Variants in PRKCB observed in about 807,000 individuals in gnomAD.
PRKCB encodes protein kinase C beta type.
In PRKCB, 13 loss-of-function variants were observed where a neutral mutation model predicts 81.5. The ratio of observed to expected loss-of-function variants is 0.16; its 90% CI spans 0.10 to 0.25. The LOEUF is 0.25. PRKCB is among the 10% of genes least tolerant of loss of function. PRKCB has a pLI of 1.00. For synonymous variants in PRKCB, 335 were observed against 321.4 expected, an observed-to-expected ratio of 1.04 and a Z score of -0.45; for missense variants, 509 against 875.7, an observed-to-expected ratio of 0.58 and a Z score of 5.29.
intron 3 of PRKCB, among the ~76,000 whole-genome samples, chr16:24,018,326 C>T (rs1375438186): frequency 6.6e-6 from 1 of 152,182 alleles, no homozygotes; most frequent in Non-Finnish European, 1.5e-5. Context: ...GCTGGGAATA[C>T]AGGCGTGAGC....
chr16:24,156,348 G>A (rs1302473684), intron 10 of PRKCB, among the ~76,000 whole-genome samples: 1 of 151,840 alleles, frequency 6.6e-6, no homozygotes, highest in Non-Finnish European at 1.5e-5. Flanking sequence ...GATCATGGCT[G>A]ACTGCAGCCT....
At chr16:24,165,981 G>A (rs1276112501) in intron 10 of PRKCB, among the ~76,000 whole-genome samples, 1 of 150,090 alleles carries the variant, frequency 6.7e-6, no homozygotes, top group African/African-American at 2.5e-5. Flanking sequence ...CCACATCCTG[G>A]GATCAAGCCA....
intron 10 of PRKCB, among the ~76,000 whole-genome samples, chr16:24,171,584 C>T (rs980362823): frequency 2.0e-5 from 3 of 152,152 alleles, no homozygotes; most frequent in African/African-American, 7.2e-5. Flanking sequence ...CTGGCTACTA[C>T]AGCTATCTAT....
At chr16:24,143,171 C>T (rs1966928618) in intron 9 of PRKCB, among the ~76,000 whole-genome samples, 1 of 152,094 alleles carries the variant, frequency 6.6e-6, no homozygotes, top group Non-Finnish European at 1.5e-5. Flanking sequence ...CTCACTCTGT[C>T]ATCCAGTCTG....
At chr16:24,077,070 C>T (rs1392149057) in intron 5 of PRKCB, among the ~76,000 whole-genome samples, 1 of 152,138 alleles carries the variant, frequency 6.6e-6, no homozygotes, top group East Asian at 1.9e-4. Flanking sequence ...AAACTTAGCA[C>T]CTGGGCATAT....
chr16:24,061,319 G>A lies in PRKCB; in HGVS notation c.529+25772G>A, dbSNP rs1245802398. ...CAAGTGATCTGCCCACTTTGGCCCC[G>A]CAAAGTGCTGGGATTACAGGCATGA... On this transcript the variant is annotated intron_variant, in intron 5 of 16. Transcript: ENST00000643927. Among the ~76,000 whole-genome samples, 8 of 152,188 alleles carry A rather than the reference G, an allele frequency of 5.3e-5. No individual in the cohort carries two copies. In the East Asian group the frequency reaches 1.2e-3, roughly 22 times the overall value.
chr16:24,181,771 C>T, intron 13 of PRKCB, among the ~76,000 whole-genome samples: 1 of 24,570 alleles, frequency 4.1e-5, no homozygotes, highest in African/African-American at 1.9e-4. Context: ...GACCCTGTCT[C>T]AAAAAAAAAA....
intron 9 of PRKCB, among the ~76,000 whole-genome samples, chr16:24,141,969 A>G (rs1157710883): frequency 1.3e-5 from 2 of 152,208 alleles, no homozygotes; most frequent in Non-Finnish European, 2.9e-5. Flanking sequence ...AGGAGTTAGA[A>G]CATCCTTCTT....
At chr16:23,912,358 A>G in intron 2 of PRKCB, among the ~76,000 whole-genome samples, 1 of 151,978 alleles carries the variant, frequency 6.6e-6, no homozygotes, top group Non-Finnish European at 1.5e-5. Flanking sequence ...AATGGTGAAC[A>G]GCTGCTGATG....
intron 2 of PRKCB, chr16:23,962,872 A>G (rs1274296600): frequency 6.6e-6 from 1 of 152,056 alleles, no homozygotes; most frequent in Non-Finnish European, 1.5e-5. Flanking sequence ...GTGGTATCCA[A>G]TATGTAGTCT....
intron 2 of PRKCB, among the ~76,000 whole-genome samples, chr16:23,968,542 A>G (rs76655127): frequency 0.017 from 2,633 of 152,286 alleles, 24 homozygotes; most frequent in Non-Finnish European, 0.024. Context: ...AAGAGGGGGA[A>G]GAAACACCCC....
chr16:24,017,847 A>G (rs1191912972), intron 3 of PRKCB, among the ~76,000 whole-genome samples: 1 of 150,312 alleles, frequency 6.7e-6, no homozygotes, highest in Non-Finnish European at 1.5e-5. Context: ...CTCCCACTTC[A>G]TCCCCACAAG....
chr16:23,926,919 G>A (rs939161415), intron 2 of PRKCB, among the ~76,000 whole-genome samples: 1 of 152,046 alleles, frequency 6.6e-6, no homozygotes, highest in Admixed American at 6.6e-5. Context: ...CAAAAGCTTC[G>A]ATGTATACAT....
chr16:24,077,210 G>A (rs1288064730), intron 5 of PRKCB, among the ~76,000 whole-genome samples: 1 of 152,102 alleles, frequency 6.6e-6, no homozygotes, highest in Admixed American at 6.5e-5. Context: ...GTGTGTCTAC[G>A]GTGGTGAAGA....
At chr16:24,124,599 T>C (rs1966839438) in intron 9 of PRKCB, among the ~76,000 whole-genome samples, 1 of 152,138 alleles carries the variant, frequency 6.6e-6, no homozygotes, top group Admixed American at 6.5e-5. Context: ...CATACAGTGT[T>C]TCTGGACGCT....
chr16:24,105,025 G>C (rs574746367), intron 7 of PRKCB, among the ~76,000 whole-genome samples: 5 of 151,170 alleles, frequency 3.3e-5, no homozygotes, highest in Non-Finnish European at 7.4e-5. Flanking sequence ...TAAGTCCTTT[G>C]GTCTTGTGTA....
At chr16:23,965,427 C>T (rs549669478) in intron 2 of PRKCB, among the ~76,000 whole-genome samples, 5 of 152,300 alleles carry the variant, frequency 3.3e-5, no homozygotes, top group Admixed American at 6.5e-5. Flanking sequence ...CTTGTCTTTG[C>T]TATTGCATCA....
Position 24,134,984 on chromosome 16 carries a change from G to A in PRKCB, c.1065+11003G>A, listed in dbSNP as rs572915733. 5.9e-5 allele frequency among the ~76,000 whole-genome samples: 9 copies of A among 151,962 alleles called. 1 individual carries two copies. In the South Asian group the frequency reaches 1.5e-3, roughly 25 times the overall value. On this transcript the variant is annotated intron_variant, in intron 9 of 16. Coordinates refer to ENST00000643927, the MANE Select transcript of PRKCB (RefSeq NM_002738.7). Reference sequence around the variant, plus strand: ...TCCATGAAAAAAAAAGCAAAAAATGGTATCTCATGACTGCATTGGTATGAA... The same window carrying A: ...TCCATGAAAAAAAAAGCAAAAAATGATATCTCATGACTGCATTGGTATGAA...
chr16:23,926,291 C>G (rs1474346557), intron 2 of PRKCB, among the ~76,000 whole-genome samples: 3 of 150,738 alleles, frequency 2.0e-5, no homozygotes, highest in South Asian at 2.1e-4. Context: ...TCAAGACCAG[C>G]CTTGCCAACA....
Sources: gnomAD v4.1 joint callset for allele counts (sites outside exome capture counted in the v4.1 genomes callset) on GRCh38, gnomAD v4.1.1 for gene constraint, MANE v1.5 for transcripts, NCBI Gene and HGNC (gene_info 2026-07-23, HGNC 2026-07-21) for gene names.